RFT1: variants seen among roughly 807,000 people sequenced by gnomAD.
RFT1 encodes RFT1 glycolipid translocator homolog.
In RFT1, 43 loss-of-function variants were observed where a neutral mutation model predicts 62.2. That is an observed-to-expected ratio of 0.69 (90% confidence interval 0.54 to 0.89). RFT1 has a LOEUF of 0.89. Among genes scored for constraint, RFT1 ranks in the 40% least tolerant of loss-of-function variants. The pLI is 0.00. For synonymous variants in RFT1, 262 were observed against 264.6 expected, an observed-to-expected ratio of 0.99 and a Z score of 0.10; for missense variants, 605 against 649.9, an observed-to-expected ratio of 0.93 and a Z score of 0.75.
rs771551235 is a variant in RFT1 at position 53,091,943 on chromosome 3, G to C, written c.1586C>G (p.Thr529Ser). Residue 529 changes from threonine to serine, a missense_variant, in exon 13 of 13, where the codon ACT (threonine) becomes AGT (serine). By Grantham distance (58) the Thr-to-Ser change is moderately conservative. Coordinates refer to ENST00000296292, the MANE Select transcript of RFT1 (RefSeq NM_052859.4). ...TETKLIHFLR[T>S]QLGVPRRTDK... ...AGTGCGTCTGGGCACACCTAACTGA[G>C]TCCTGAGGAAATGGATCAGCTTGGT... 6 of 1,614,254 alleles carry C rather than the reference G, an allele frequency of 3.7e-6. 1 individual carries two copies. Among genetic ancestry groups the C allele is most frequent in the South Asian group, 2.2e-5 (2 of 91,086 alleles).
chr3:53,108,758 T>C (rs951837985), intron 7 of RFT1, among the ~76,000 whole-genome samples: 2 of 150,460 alleles, frequency 1.3e-5, no homozygotes, highest in South Asian at 2.1e-4. Context: ...TGGAGTGCAA[T>C]GGTGCTATCT....
At chr3:53,087,485 T>C (rs1700880400), downstream of RFT1, among the ~76,000 whole-genome samples, 1 of 151,998 alleles carries the variant, frequency 6.6e-6, no homozygotes, top group Non-Finnish European at 1.5e-5. Context: ...TCCCAGCTCC[T>C]GCCTGTCTCT....
At chr3:53,070,394 T>C in the RFT1 span, among the ~76,000 whole-genome samples, 1 of 18,666 alleles carries the variant, frequency 5.4e-5, no homozygotes, top group African/African-American at 1.1e-4. Flanking sequence ...TGTATTATGG[T>C]TTTTTTTTTT....
chr3:53,090,968 A>T lies in RFT1; in HGVS notation c.*935T>A, dbSNP rs931381367. ...TTAATGGGTCAACGGGAGGGACCTGACTCAGTAATACTAGCCATATAGAGT... is the reference window on the plus strand; with the variant it reads ...TTAATGGGTCAACGGGAGGGACCTGTCTCAGTAATACTAGCCATATAGAGT... On this transcript the variant is annotated 3_prime_UTR_variant, in exon 13 of 13. Transcript: ENST00000296292. 5 of 152,176 alleles carry T rather than the reference A, an allele frequency of 3.3e-5. No individual in the cohort carries two copies. Among genetic ancestry groups the T allele is most frequent in the African/African-American group, 1.2e-4 (5 of 41,432 alleles). 9.4% of individuals were successfully genotyped at this position (152,176 alleles called of 1,614,324 possible).
chr3:53,092,172 T>C, intron 12 of RFT1, 102 bp from the exon 13 acceptor site: 1 of 1,472,768 alleles, frequency 6.8e-7, no homozygotes, highest in South Asian at 1.2e-5. Flanking sequence ...CTAAGTCAGA[T>C]AAAAGGCATA....
chr3:53,103,290 C>G, intron 10 of RFT1: 1 of 985,290 alleles, frequency 1.0e-6, no homozygotes, highest in Middle Eastern at 5.2e-4. Context: ...AACATCTTTG[C>G]TAAACCCAAG....
chr3:53,097,853 T>C (rs1334825212), intron 11 of RFT1, among the ~76,000 whole-genome samples: 5 of 152,230 alleles, frequency 3.3e-5, no homozygotes, highest in Non-Finnish European at 7.3e-5. Context: ...TTTTCATCCA[T>C]AGGGAAAGAA....
In RFT1 at chr3:53,116,651, G is replaced by A. The variant is rs532440910; in HGVS notation, c.696+3233C>T. Among the ~76,000 whole-genome samples, 5 of 150,432 alleles carry A rather than the reference G, an allele frequency of 3.3e-5. No individual in the cohort carries two copies. The East Asian group carries it at 7.9e-4, about 24-fold the overall frequency. ...GAGTCTTGCTCTGTTGCCCAGGCTA[G>A]AGTGTAGTGGTGCGATCTCAGCTCA... On this transcript the variant is annotated intron_variant, in intron 6 of 12. Coordinates refer to ENST00000296292, the MANE Select transcript of RFT1 (RefSeq NM_052859.4).
rs928411829 is a variant in RFT1, at chr3:53,105,947, T to C, written c.827-144A>G. On this transcript the variant is annotated intron_variant, in intron 8 of 12. Coordinates refer to ENST00000296292, the MANE Select transcript of RFT1 (RefSeq NM_052859.4). Reference sequence around the variant, plus strand: ...ATTCACACAGAGTTATAAGAAGTAATAGTGGCCAGGCACGGTGGCTCATGC... The same window carrying C: ...ATTCACACAGAGTTATAAGAAGTAACAGTGGCCAGGCACGGTGGCTCATGC... 14 of 863,406 alleles carry C rather than the reference T, an allele frequency of 1.6e-5. No individual in the cohort carries two copies. In the South Asian group the frequency reaches 2.0e-4, roughly 13 times the overall value. 53.5% of individuals were successfully genotyped at this position (863,406 alleles called of 1,614,324 possible). A position where few individuals can be genotyped will look rare whatever the true frequency, so the allele number is the denominator to read the frequency against.
chr3:53,092,909 A>G (rs75151356), intron 11 of RFT1, among the ~76,000 whole-genome samples: 5 of 152,346 alleles, frequency 3.3e-5, no homozygotes, highest in Non-Finnish European at 5.9e-5. Context: ...CAAGTCCTCA[A>G]TGTGAGATAC....
chr3:53,120,152 C>G, intron 5 of RFT1, 131 bp from the exon 6 acceptor site: 2 of 755,544 alleles, frequency 2.6e-6, no homozygotes, highest in Non-Finnish European at 4.1e-6. Flanking sequence ...GCCTTACCCT[C>G]TGGGAAATGG....
At chr3:53,122,697 G>A in intron 3 of RFT1, 134 bp from the exon 4 acceptor site, 1 of 438,448 alleles carries the variant, frequency 2.3e-6, no homozygotes, top group Non-Finnish European at 3.6e-6. Context: ...CTAACTACAT[G>A]CCAGGCACTA....
the RFT1 span, among the ~76,000 whole-genome samples, chr3:53,070,398 T>G: frequency 1.5e-4 from 20 of 133,114 alleles, no homozygotes; most frequent in Admixed American, 8.2e-4. Flanking sequence ...TTATGGTTTT[T>G]TTTTTTTTTT....
At chr3:53,074,495 CAG>C in the RFT1 span, among the ~76,000 whole-genome samples, 10 of 152,034 alleles carry the variant, frequency 6.6e-5, no homozygotes, top group Admixed American at 2.0e-4. Context: ...AGAATCAAAA[CAG>C]GGCTAAGGCA....
chr3:53,124,442 G>A (rs1397907862), intron 2 of RFT1, among the ~76,000 whole-genome samples: 1 of 152,156 alleles, frequency 6.6e-6, no homozygotes, highest in Non-Finnish European at 1.5e-5. Flanking sequence ...CCAGAGTAGG[G>A]ACAGCCCAGG....
At chr3:53,124,419 C>T (rs1297777888) in intron 2 of RFT1, among the ~76,000 whole-genome samples, 1 of 152,136 alleles carries the variant, frequency 6.6e-6, no homozygotes, top group Admixed American at 6.5e-5. Flanking sequence ...AATAGACAGC[C>T]GTCTGGGTGA....
At chr3:53,072,839 C>T in the RFT1 span, among the ~76,000 whole-genome samples, 1 of 152,220 alleles carries the variant, frequency 6.6e-6, no homozygotes, top group Non-Finnish European at 1.5e-5. Context: ...AGGGTCCTGC[C>T]CTCTAGTGGC....
intron 10 of RFT1, chr3:53,103,612 G>T: frequency 5.5e-6 from 2 of 365,578 alleles, no homozygotes; most frequent in South Asian, 4.6e-5. Context: ...ACTCATTACC[G>T]TCTGCCCTCT....
chr3:53,072,681 C>T, the RFT1 span, among the ~76,000 whole-genome samples: 2 of 152,234 alleles, frequency 1.3e-5, no homozygotes, highest in Admixed American at 6.5e-5. Flanking sequence ...CATTTAAGGT[C>T]TAGGGTCCAG....
Sources: gnomAD v4.1 joint callset for allele counts (sites outside exome capture counted in the v4.1 genomes callset) on GRCh38, gnomAD v4.1.1 for gene constraint, MANE v1.5 for transcripts, NCBI Gene and HGNC (gene_info 2026-07-23, HGNC 2026-07-21) for gene names.